PCDH9: variants seen among roughly 807,000 people sequenced by gnomAD.
PCDH9 encodes the protein protocadherin-9.
A neutral mutation model predicts 70.6 loss-of-function variants in PCDH9; 24 were observed. The ratio of observed to expected loss-of-function variants is 0.34; its 90% CI spans 0.25 to 0.48. PCDH9 has a LOEUF of 0.48. PCDH9 is among the 20% of genes least tolerant of loss of function. PCDH9 has a pLI of 0.99. For missense variants in PCDH9, 1,281 were observed against 1,503.6 expected (o/e 0.85, Z 2.45); for synonymous variants, 562 against 558.5 (o/e 1.01, Z -0.09).
chr13:66,663,668 G>C (rs1022081761), intron 3 of PCDH9, among the ~76,000 whole-genome samples: 1 of 152,178 alleles, frequency 6.6e-6, no homozygotes, highest in Non-Finnish European at 1.5e-5. Flanking sequence ...CGCATGGAGA[G>C]ATTCTCGATA....
rs931032518 is a variant in PCDH9, at chr13:66,964,663, AT to A, written c.3037-61059del. 9.9e-4 allele frequency among the ~76,000 whole-genome samples: 150 copies of A among 151,696 alleles called. 1 individual carries two copies. Among genetic ancestry groups the A allele is most frequent in the African/African-American group, 3.4e-3 (141 of 41,428 alleles). ...ATTCTAACAAATTTTTAATTAAGGA[AT>A]TTTTTTTTAATCTCTTGAGTCCTTT... On this transcript the variant is annotated intron_variant, in intron 2 of 4. Coordinates refer to ENST00000377865, the MANE Select transcript of PCDH9 (RefSeq NM_203487.3).
At chr13:66,684,110 T>A (rs75011323) in intron 3 of PCDH9, among the ~76,000 whole-genome samples, 2,585 of 152,246 alleles carry the variant, frequency 0.017, 83 homozygotes, top group African/African-American at 0.059. Flanking sequence ...TTTTTAAAAA[T>A]CCTTTGATTT....
At chr13:66,645,576 A>G (rs1485326524) in intron 3 of PCDH9, among the ~76,000 whole-genome samples, 2 of 152,120 alleles carry the variant, frequency 1.3e-5, no homozygotes, top group African/African-American at 2.4e-5. Context: ...AAGAATTTGA[A>G]AACGTGGAAA....
intron 2 of PCDH9, among the ~76,000 whole-genome samples, chr13:66,954,442 G>C (rs1174094639): frequency 1.3e-5 from 2 of 152,100 alleles, no homozygotes; most frequent in African/African-American, 4.8e-5. Flanking sequence ...CTTACTGCAT[G>C]GACTCCTACA....
chr13:66,560,326 A>G (rs1311578557), intron 4 of PCDH9, among the ~76,000 whole-genome samples: 2 of 151,998 alleles, frequency 1.3e-5, no homozygotes, highest in South Asian at 2.1e-4. Flanking sequence ...GGGTCCCTCT[A>G]TTGCAGCACA....
intron 2 of PCDH9, among the ~76,000 whole-genome samples, chr13:66,969,037 C>T (rs1038557752): frequency 3.9e-5 from 6 of 151,964 alleles, no homozygotes; most frequent in African/African-American, 1.4e-4. Context: ...CTATTTGTTT[C>T]CCTGAAATAG....
chr13:66,635,223 T>A (rs1287299431), intron 3 of PCDH9, among the ~76,000 whole-genome samples: 1 of 152,192 alleles, frequency 6.6e-6, no homozygotes, highest in Non-Finnish European at 1.5e-5. Context: ...ACCCATTCCA[T>A]TTTATCCTGT....
intron 4 of PCDH9, among the ~76,000 whole-genome samples, chr13:66,324,197 G>C (rs559198989): frequency 6.6e-6 from 1 of 152,088 alleles, no homozygotes; most frequent in South Asian, 2.1e-4. Context: ...CCATGAGGCT[G>C]GAGCTTCCTT....
At chr13:66,500,194 T>C (rs911031414) in intron 4 of PCDH9, among the ~76,000 whole-genome samples, 3 of 152,226 alleles carry the variant, frequency 2.0e-5, no homozygotes, top group Admixed American at 1.3e-4. Flanking sequence ...AGTTACATTG[T>C]TACAATAATT....
Position 66,843,068 on chromosome 13 carries a change from G to A in PCDH9, c.3138+60436C>T, listed in dbSNP as rs960271063. ...TGAAGGAAGAAAATCAATTACTATCGGCAGTGAACTTCAGGTAGACCCAGG... is the reference window on the plus strand; with the variant it reads ...TGAAGGAAGAAAATCAATTACTATCAGCAGTGAACTTCAGGTAGACCCAGG... On this transcript the variant is annotated intron_variant, in intron 3 of 4. Coordinates refer to ENST00000377865, the MANE Select transcript of PCDH9 (RefSeq NM_203487.3). Among the ~76,000 whole-genome samples, 15 of 152,092 alleles carry A rather than the reference G, an allele frequency of 9.9e-5. No individual in the cohort carries two copies. The South Asian group carries it at 1.2e-3, about 13-fold the overall frequency.
intron 4 of PCDH9, among the ~76,000 whole-genome samples, chr13:66,364,529 A>C (rs1032027334): frequency 6.6e-6 from 1 of 152,170 alleles, no homozygotes; most frequent in African/African-American, 2.4e-5. Context: ...TATTTTTAAA[A>C]ATTCTTTTTT....
intron 3 of PCDH9, among the ~76,000 whole-genome samples, chr13:66,718,491 A>G (rs1371109102): frequency 6.6e-6 from 1 of 152,208 alleles, no homozygotes; most frequent in Non-Finnish European, 1.5e-5. Context: ...CTGAAAAAAA[A>G]TGAATCCATG....
chr13:66,477,404 G>A (rs2138499620), intron 4 of PCDH9, among the ~76,000 whole-genome samples: 1 of 152,152 alleles, frequency 6.6e-6, no homozygotes, highest in African/African-American at 2.4e-5. Flanking sequence ...CTCATTGTAG[G>A]CTATGATTAT....
intron 2 of PCDH9, among the ~76,000 whole-genome samples, chr13:67,148,489 T>C (rs997516718): frequency 6.6e-6 from 1 of 152,162 alleles, no homozygotes; most frequent in Non-Finnish European, 1.5e-5. Flanking sequence ...TGTTTCTTGT[T>C]ATATGCAATA....
intron 2 of PCDH9, among the ~76,000 whole-genome samples, chr13:66,999,090 G>C (rs1434082055): frequency 6.6e-6 from 1 of 152,146 alleles, no homozygotes; most frequent in Non-Finnish European, 1.5e-5. Flanking sequence ...AGAACGTCTT[G>C]CTTCCCAAGC....
At chr13:66,663,640 C>G (rs1380744874) in intron 3 of PCDH9, among the ~76,000 whole-genome samples, 1 of 152,156 alleles carries the variant, frequency 6.6e-6, no homozygotes, top group East Asian at 1.9e-4. Flanking sequence ...TACTGTATCT[C>G]CTGACACATG....
Position 66,816,379 on chromosome 13 carries a change from T to C in PCDH9, c.3138+87125A>G, listed in dbSNP as rs770268961. Among the ~76,000 whole-genome samples the C allele has an allele frequency of 2.4e-4, 37 of 152,220 alleles. No homozygotes were observed. The East Asian group carries it at 7.0e-3, about 29-fold the overall frequency. On this transcript the variant is annotated intron_variant, in intron 3 of 4. Transcript: ENST00000377865. ...CAGTAGGATTATGATCAATTGATAA[T>C]ATAGCCCAGGTAGAACCCAAGTGCA... is the stretch of plus-strand genomic sequence containing the variant.
intron 4 of PCDH9, among the ~76,000 whole-genome samples, chr13:66,466,991 G>A (rs1740659055): frequency 6.6e-6 from 1 of 152,050 alleles, no homozygotes; most frequent in African/African-American, 2.4e-5. Flanking sequence ...TACTGACTCT[G>A]TTTCAGGCAT....
intron 4 of PCDH9, among the ~76,000 whole-genome samples, chr13:66,630,077 T>C (rs1449666962): frequency 6.6e-6 from 1 of 152,182 alleles, no homozygotes; most frequent in Non-Finnish European, 1.5e-5. Context: ...AAAAAAGTCA[T>C]CATACTTCAA....
Sources: gnomAD v4.1 joint callset for allele counts (sites outside exome capture counted in the v4.1 genomes callset) on GRCh38, gnomAD v4.1.1 for gene constraint, MANE v1.5 for transcripts, NCBI Gene and HGNC (gene_info 2026-07-23, HGNC 2026-07-21) for gene names.